Variants in TFDP2 observed in about 807,000 individuals in gnomAD.
TFDP2 encodes transcription factor Dp-2 (E2F dimerization partner 2).
A neutral mutation model predicts 59.3 loss-of-function variants in TFDP2; 17 were observed. That is an observed-to-expected ratio of 0.29 (90% CI 0.20 to 0.43). TFDP2 has a LOEUF of 0.43. TFDP2 is among the 20% of genes least tolerant of loss of function. The probability of loss-of-function intolerance (pLI) is 1.00; values close to 1 mark genes in which losing one functional copy is unlikely to be tolerated. For missense variants in TFDP2, 391 were observed against 528.8 expected (o/e 0.74, Z 2.56); for synonymous variants, 180 against 194.7 (o/e 0.92, Z 0.63).
chr3:142,014,113 A>G (rs78600083), intron 3 of TFDP2, among the ~76,000 whole-genome samples: 10,579 of 152,188 alleles, frequency 0.07, 470 homozygotes, highest in Non-Finnish European at 0.11. Context: ...AACTTCCCAG[A>G]ACAAGCTAAC....
rs144897828 is a variant in TFDP2, at chr3:142,141,334, T to G, written c.-93+7849A>C. On this transcript the variant is annotated intron_variant, in intron 1 of 12. Coordinates refer to ENST00000489671, the MANE Select transcript of TFDP2 (RefSeq NM_001178139.2). The stretch of plus-strand genomic sequence containing the variant: ...GATCCCTTGTGCTTCCTGGGTGAAG[T>G]GACGCCCTTCCCTGCTTCGGCTCAC... Among the ~76,000 whole-genome samples the G allele has an allele frequency of 4.9e-3, 742 of 152,262 alleles. 2 individuals are homozygous for G. Among genetic ancestry groups the G allele is most frequent in the African/African-American group, 0.017 (709 of 41,564 alleles).
rs188339894 is a variant in TFDP2 at position 142,119,921 on chromosome 3, G to A, written c.-92-18080C>T. Among the ~76,000 whole-genome samples, 156 of 151,296 alleles carry A rather than the reference G, an allele frequency of 1.0e-3. 1 individual carries two copies. The highest frequency in any genetic ancestry group is 2.9e-3 in the East Asian group (15 of 5,116). ...AAAAATTAGCTGGGCATGGTGGTGC[G>A]CGCCTGTAGTCCCAGCTACTCGGGA... is the stretch of plus-strand genomic sequence containing the variant. On this transcript the variant is annotated intron_variant, in intron 1 of 12. Transcript: ENST00000489671.
chr3:141,997,599 T>C (rs1363816121), intron 4 of TFDP2, among the ~76,000 whole-genome samples: 1 of 151,688 alleles, frequency 6.6e-6, no homozygotes, highest in Non-Finnish European at 1.5e-5. Flanking sequence ...CCTGTAATCC[T>C]AGCACTTTGA....
At chr3:142,127,628 A>G (rs73236016) in intron 1 of TFDP2, among the ~76,000 whole-genome samples, 12,654 of 151,888 alleles carry the variant, frequency 0.083, 654 homozygotes, top group Middle Eastern at 0.14. Context: ...GAGCCACTGT[A>G]CCCGGTCAGT....
chr3:141,990,527 C>T (rs912685068), intron 6 of TFDP2, among the ~76,000 whole-genome samples: 7 of 152,146 alleles, frequency 4.6e-5, no homozygotes, highest in Non-Finnish European at 8.8e-5. Context: ...AGCCACCGTG[C>T]CCAGTCTGTG....
intron 3 of TFDP2, among the ~76,000 whole-genome samples, chr3:142,020,469 A>G (rs1318449400): frequency 6.6e-6 from 1 of 150,772 alleles, no homozygotes; most frequent in African/African-American, 2.4e-5. Flanking sequence ...CGGGAAGTGG[A>G]GGTTGCGGTG....
chr3:141,982,550 T>C (rs1941606151), intron 6 of TFDP2, among the ~76,000 whole-genome samples: 1 of 151,990 alleles, frequency 6.6e-6, no homozygotes, highest in Non-Finnish European at 1.5e-5. Context: ...AAGCCAAGAG[T>C]GAAGCAGGGT....
intron 5 of TFDP2, among the ~76,000 whole-genome samples, chr3:141,993,935 C>T (rs913353107): frequency 1.3e-5 from 2 of 152,220 alleles, no homozygotes; most frequent in Non-Finnish European, 2.9e-5. Context: ...GGGCTGAAAA[C>T]ATCCAGACCC....
intron 3 of TFDP2, among the ~76,000 whole-genome samples, chr3:142,076,295 T>C (rs1422189939): frequency 6.6e-6 from 1 of 151,968 alleles, no homozygotes; most frequent in Non-Finnish European, 1.5e-5. Context: ...CAATAGAAGC[T>C]AAATACCCAT....
chr3:142,128,919 T>G (rs201216883), intron 1 of TFDP2, among the ~76,000 whole-genome samples: 1 of 2,392 alleles, frequency 4.2e-4, no homozygotes, highest in Non-Finnish European at 6.9e-4. Context: ...GCAACTTTCT[T>G]TTTTTTTTTG....
intron 3 of TFDP2, among the ~76,000 whole-genome samples, chr3:142,051,775 T>A (rs1947641621): frequency 6.6e-6 from 1 of 152,204 alleles, no homozygotes; most frequent in African/African-American, 2.4e-5. Flanking sequence ...TGATTGGATA[T>A]TCATATGATA....
At chr3:142,029,379 T>C (rs1946312582) in intron 3 of TFDP2, among the ~76,000 whole-genome samples, 1 of 152,084 alleles carries the variant, frequency 6.6e-6, no homozygotes, top group Admixed American at 6.6e-5. Context: ...ACAGAAGTTC[T>C]AAAATTTCCA....
At chr3:142,099,725 C>A (rs4683666) in intron 2 of TFDP2, among the ~76,000 whole-genome samples, 135,080 of 151,658 alleles carry the variant, frequency 0.89, 60,412 homozygotes, top group African/African-American at 0.97. Flanking sequence ...GAAATGACCC[C>A]AAAATTTCTA....
chr3:142,110,452 C>T (rs981761978), intron 1 of TFDP2, among the ~76,000 whole-genome samples: 2 of 151,196 alleles, frequency 1.3e-5, no homozygotes, highest in Non-Finnish European at 2.9e-5. Flanking sequence ...TGCAGTGAGC[C>T]GAGATCATGC....
chr3:142,065,524 G>A (rs1036980843), intron 3 of TFDP2, among the ~76,000 whole-genome samples: 6 of 151,572 alleles, frequency 4.0e-5, no homozygotes, highest in Non-Finnish European at 7.4e-5. Flanking sequence ...GTGTGTGTGT[G>A]TGTTTGAGAC....
chr3:142,128,482 C>T (rs2062359795), intron 1 of TFDP2, among the ~76,000 whole-genome samples: 1 of 152,212 alleles, frequency 6.6e-6, no homozygotes, highest in Non-Finnish European at 1.5e-5. Context: ...CTGTGTAAGG[C>T]TTACACTTAA....
intron 1 of TFDP2, among the ~76,000 whole-genome samples, chr3:142,106,975 G>A (rs1015605219): frequency 6.6e-6 from 1 of 152,076 alleles, no homozygotes; most frequent in African/African-American, 2.4e-5. Flanking sequence ...TTCTAACACT[G>A]CCAAAAAAGC....
At position 141,952,683 on chromosome 3, in the gene TFDP2, A is replaced by G; in HGVS notation, c.1171T>C (p.Leu391=). 1 of 1,609,892 alleles carries G rather than the reference A, an allele frequency of 6.2e-7. No homozygotes were observed. Residue 391 remains leucine (L), a synonymous_variant, in exon 13 of 13, where the codon TTA becomes CTA. Transcript: ENST00000489671. ...AAGGCCACTTCTGCATCCAAGCATA[A>G]CCCTTGGTTTACACTAGCAAACAAT... is the stretch of plus-strand genomic sequence containing the variant. The part of the protein sequence containing the change: ...TLPQSSVNQG[L]CLDAEVALAT...
chr3:142,042,244 T>G (rs1161759677), intron 3 of TFDP2, among the ~76,000 whole-genome samples: 1 of 152,226 alleles, frequency 6.6e-6, no homozygotes, highest in Non-Finnish European at 1.5e-5. Context: ...TATTGTCTTT[T>G]GCTAATAACA....
Sources: gnomAD v4.1 joint callset for allele counts (sites outside exome capture counted in the v4.1 genomes callset) on GRCh38, gnomAD v4.1.1 for gene constraint, MANE v1.5 for transcripts, NCBI Gene and HGNC (gene_info 2026-07-23, HGNC 2026-07-21) for gene names.